Variants in TRAF2 observed in about 807,000 individuals in gnomAD.
TRAF2 encodes TNF receptor-associated factor 2.
In TRAF2, 6 loss-of-function variants were observed where a neutral mutation model predicts 55.6. The ratio of observed to expected loss-of-function variants is 0.11; its 90% CI spans 0.06 to 0.21. The LOEUF is 0.21. Ranked by LOEUF, TRAF2 falls within the 10% of genes least tolerant of loss-of-function variation. TRAF2 has a pLI of 1.00. For synonymous variants in TRAF2, 329 were observed against 276.3 expected (o/e 1.19, Z -1.89); for missense variants, 561 against 684.5 (o/e 0.82, Z 2.01).
chr9:136,924,926 A>T (rs1850488880), intron 10 of TRAF2, among the ~76,000 whole-genome samples: 1 of 152,138 alleles, frequency 6.6e-6, no homozygotes, highest in Admixed American at 6.5e-5. Flanking sequence ...TTTAGTAGAG[A>T]TGGGGTTTCT....
intron 1 of TRAF2, among the ~76,000 whole-genome samples, chr9:136,889,932 C>G (rs927692097): frequency 6.8e-6 from 1 of 146,920 alleles, no homozygotes; most frequent in Non-Finnish European, 1.5e-5. Flanking sequence ...TTGTTCAGCT[C>G]GTCACCGCGT....
intron 4 of TRAF2, among the ~76,000 whole-genome samples, chr9:136,900,925 G>C (rs148373985): frequency 6.6e-6 from 1 of 152,312 alleles, no homozygotes; most frequent in Non-Finnish European, 1.5e-5. Context: ...TGTGCACCAG[G>C]ACCTGCAGCT....
upstream of TRAF2, among the ~76,000 whole-genome samples, chr9:136,884,454 G>A (rs964360741): frequency 5.3e-5 from 8 of 152,070 alleles, no homozygotes; most frequent in Non-Finnish European, 5.9e-5. Context: ...CAGCTACTCC[G>A]GAGGCTTAGG....
chr9:136,897,697 A>G (rs11145925), intron 1 of TRAF2, among the ~76,000 whole-genome samples: 64 of 95,890 alleles, frequency 6.7e-4, no homozygotes, highest in East Asian at 2.1e-3. Flanking sequence ...GCTAAAGGGA[A>G]TGCACTAGGC....
chr9:136,891,458 G>T (rs1261813179), intron 1 of TRAF2, among the ~76,000 whole-genome samples: 1 of 151,374 alleles, frequency 6.6e-6, no homozygotes, highest in Admixed American at 6.6e-5. Flanking sequence ...TCCCCAGGCT[G>T]GTCTTGAACT....
chr9:136,900,516 A>G lies in TRAF2; in HGVS notation c.362A>G (p.Tyr121Cys). The G allele has an allele frequency of 6.2e-7, 1 of 1,613,948 alleles. No homozygotes were observed. The highest frequency in any genetic ancestry group is 1.7e-5 in the Admixed American group (1 of 60,010). ...ACCTGGAAGGGGACCCTGAAAGAAT[A>G]CGAGGTAAAGATGCCTGCGTGTGGC... ...GCTWKGTLKE[Y>C]ESCHEGRCPL... is the part of the protein sequence containing the mutation. The change falls in exon 4 of 11, where the codon TAC becomes TGC. Residue 121 changes from tyrosine to cysteine, a missense_variant. Tyr to Cys is a radical substitution (Grantham distance 194). Coordinates refer to ENST00000247668, the MANE Select transcript of TRAF2 (RefSeq NM_021138.4).
Position 136,888,901 on chromosome 9 carries a change from C to T in TRAF2, c.-29+2360C>T, listed in dbSNP as rs183565570. Among the ~76,000 whole-genome samples the T allele has an allele frequency of 2.7e-4, 41 of 152,356 alleles. No homozygotes were observed. In the East Asian group the frequency reaches 6.9e-3, roughly 26 times the overall value. ...CTCTCCTGTGGAGGGGAGTCTCGCT[C>T]TGTCACCCGGCTGGAGTGCAGTGGC... On this transcript the variant is annotated intron_variant, in intron 1 of 10. Coordinates refer to ENST00000247668, the MANE Select transcript of TRAF2 (RefSeq NM_021138.4).
intron 6 of TRAF2, among the ~76,000 whole-genome samples, chr9:136,913,611 G>C (rs925111783): frequency 6.6e-6 from 1 of 152,094 alleles, no homozygotes; most frequent in Non-Finnish European, 1.5e-5. Context: ...ACTATGTTCT[G>C]AGGTGAACTG....
chr9:136,899,468 G>A (rs1473940334), intron 2 of TRAF2, 126 bp from the exon 3 acceptor site: 2 of 743,378 alleles, frequency 2.7e-6, no homozygotes, highest in Admixed American at 5.3e-5. Flanking sequence ...GCCTGCTGTT[G>A]GTTTCACTAA....
At chr9:136,904,740 A>G (rs961262210) in intron 4 of TRAF2, among the ~76,000 whole-genome samples, 60 of 107,368 alleles carry the variant, frequency 5.6e-4, no homozygotes, top group African/African-American at 2.0e-3. Context: ...ATCTAAGAAC[A>G]TTGACTATTT....
chr9:136,891,327 C>G (rs1266722092), intron 1 of TRAF2, among the ~76,000 whole-genome samples: 1 of 151,690 alleles, frequency 6.6e-6, no homozygotes, highest in Non-Finnish European at 1.5e-5. Context: ...CCAGCCTGGT[C>G]TTGAACTCCT....
intron 1 of TRAF2, among the ~76,000 whole-genome samples, chr9:136,896,098 C>T (rs1849674156): frequency 1.3e-5 from 2 of 152,102 alleles, no homozygotes; most frequent in African/African-American, 4.8e-5. Context: ...TGAGCCCCCC[C>T]ACCCCCACTG....
At chr9:136,890,901 CTG>C (rs1849568539) in intron 1 of TRAF2, among the ~76,000 whole-genome samples, 1 of 152,178 alleles carries the variant, frequency 6.6e-6, no homozygotes, top group African/African-American at 2.4e-5. Context: ...TGAGAAGCGT[CTG>C]CCGGTGGTGG....
At chr9:136,899,764 C>A in intron 3 of TRAF2, 92 bp downstream of exon 3, 4 of 1,256,758 alleles carry the variant, frequency 3.2e-6, no homozygotes, top group Non-Finnish European at 3.4e-6. Flanking sequence ...GTGGCTCACA[C>A]CTGTAATCCC....
intron 8 of TRAF2, 86 bp from the exon 9 acceptor site, chr9:136,920,952 C>A (rs774694021): frequency 9.8e-6 from 15 of 1,528,966 alleles, no homozygotes; most frequent in Non-Finnish European, 1.3e-5. Context: ...AGAGCACTGT[C>A]CTGCTGGAGA....
intron 5 of TRAF2, among the ~76,000 whole-genome samples, chr9:136,909,459 A>G (rs1850046941): frequency 6.6e-6 from 1 of 151,490 alleles, no homozygotes; most frequent in Admixed American, 6.6e-5. Flanking sequence ...ACCCATCTGC[A>G]CTTCCCTGTA....
chr9:136,917,106 C>A (rs866183276), intron 7 of TRAF2, among the ~76,000 whole-genome samples: 1 of 152,160 alleles, frequency 6.6e-6, no homozygotes, highest in African/African-American at 2.4e-5. Flanking sequence ...CTCAAATGGT[C>A]CCCCCAGCCG....
At chr9:136,920,572 TCGTGCCCCA>T in intron 8 of TRAF2, 57 bp downstream of exon 8, 1 of 1,533,558 alleles carries the variant, frequency 6.5e-7, no homozygotes. Flanking sequence ...GGGATAGTGT[TCGTGCCCCA>T]GCAGGTTCTA....
chr9:136,898,448 T>G, intron 1 of TRAF2: 1 of 311,930 alleles, frequency 3.2e-6, no homozygotes, highest in Non-Finnish European at 4.7e-6. Context: ...CTGTGTCTCT[T>G]TGGAGCTGTG....
Sources: allele counts gnomAD v4.1 joint callset (sites outside exome capture counted in the v4.1 genomes callset), GRCh38; gene constraint gnomAD v4.1.1; transcripts MANE v1.5; gene names NCBI Gene and HGNC (gene_info 2026-07-23, HGNC 2026-07-21).